The following DNAH7 variants were observed in gnomAD, a reference collection of about 807,000 sequenced individuals.
The protein encoded by DNAH7 is axonemal beta dynein heavy chain 7.
In DNAH7, 397 loss-of-function variants were observed where a neutral mutation model predicts 444.6. That is an observed-to-expected ratio of 0.89 (90% CI 0.82 to 0.97). DNAH7 has a LOEUF of 0.97. Among genes scored for constraint, DNAH7 ranks in the 50% least tolerant of loss-of-function variants. The pLI is 0.00. For synonymous variants in DNAH7, 1,636 were observed against 1,624.4 expected (o/e 1.01, Z -0.17); for missense variants, 4,902 against 4,800.8 (o/e 1.02, Z -0.62).
intron 58 of DNAH7, among the ~76,000 whole-genome samples, chr2:195,778,769 GTTAC>G (rs1442197474): frequency 7.1e-6 from 1 of 140,664 alleles, no homozygotes; most frequent in African/African-American, 2.7e-5. Context: ...GATCAGCAGT[GTTAC>G]TTCACCACCT....
chr2:195,757,281 A>C (rs1215323386), intron 61 of DNAH7, among the ~76,000 whole-genome samples: 1 of 152,254 alleles, frequency 6.6e-6, no homozygotes, highest in African/African-American at 2.4e-5. Context: ...GGTGATAAAT[A>C]TAAAATTAGA....
Position 195,922,122 on chromosome 2 carries a change from G to A in DNAH7, c.3901C>T (p.Leu1301=). The part of the protein sequence containing the change: ...GYEYLGNSPR[L]VITPLTDRCY... ...CTATCCGTGAGTGGTGTAATAACCA[G>A]CCTAGGGGAATTACCCAGATATTCA... The change falls in exon 24 of 65, where the codon CTG becomes TTG. Residue 1301 remains leucine, a synonymous_variant. Transcript: ENST00000312428. The A allele has an allele frequency of 6.2e-7, 1 of 1,611,966 alleles. No homozygotes were observed. The highest frequency in any genetic ancestry group is 8.5e-7 in the Non-Finnish European group (1 of 1,178,106).
rs1698429385 is a variant in DNAH7 at position 195,837,418 on chromosome 2, T to C, written c.8946-3058A>G. 3.3e-5 allele frequency among the ~76,000 whole-genome samples: 5 copies of C among 152,308 alleles called. No homozygotes were observed. The South Asian group carries it at 1.0e-3, about 32-fold the overall frequency. On this transcript the variant is annotated intron_variant, in intron 47 of 64. Transcript: ENST00000312428. ...TGTTGAACAAAATACAAAAAACAAC[T>C]ACTTACAGATTCTAAAAAGTAAATA... is the stretch of plus-strand genomic sequence containing the variant.
intron 9 of DNAH7, among the ~76,000 whole-genome samples, chr2:196,014,476 T>A (rs1694897211): frequency 6.6e-6 from 1 of 152,070 alleles, no homozygotes; most frequent in Non-Finnish European, 1.5e-5. Context: ...CAATCAGAAG[T>A]GAATTTCTGT....
intron 5 of DNAH7, among the ~76,000 whole-genome samples, chr2:196,038,128 A>G (rs553468340): frequency 3.9e-5 from 6 of 152,264 alleles, no homozygotes; most frequent in African/African-American, 1.4e-4. Context: ...AAAGAAAAAA[A>G]AAACTGTCAA....
chr2:195,960,770 T>C lies in DNAH7; in HGVS notation c.2381A>G (p.Asp794Gly), dbSNP rs1221229004. Residue 794 changes from aspartate to glycine, a missense_variant, in exon 18 of 65, where the codon GAC becomes GGC. By Grantham distance (94) the Asp-to-Gly change is moderately conservative. Transcript: ENST00000312428. ...TEGPYHKVNP[D>G]QVEADIGNYW... is the part of the protein sequence containing the mutation. ...ATTTCCAATATCTGCTTCTACTTGGTCTGGATTCACTTTATGATATGGCCC... is the reference window on the plus strand; with the variant it reads ...ATTTCCAATATCTGCTTCTACTTGGCCTGGATTCACTTTATGATATGGCCC... 1.2e-6 allele frequency: 2 copies of C among 1,614,176 alleles called. No individual in the cohort carries two copies. The highest frequency in any genetic ancestry group is 1.7e-5 in the Admixed American group (1 of 60,032).
chr2:195,833,973 A>G (rs953447104), intron 48 of DNAH7, among the ~76,000 whole-genome samples: 2 of 152,102 alleles, frequency 1.3e-5, no homozygotes, highest in African/African-American at 4.8e-5. Flanking sequence ...TTAGGAGGCC[A>G]AGGAAGGCAG....
At chr2:196,056,269 A>C (rs1697797851) in intron 2 of DNAH7, among the ~76,000 whole-genome samples, 1 of 152,052 alleles carries the variant, frequency 6.6e-6, no homozygotes, top group African/African-American at 2.4e-5. Flanking sequence ...ACATGGTGAA[A>C]CCACATCTCT....
intron 12 of DNAH7, among the ~76,000 whole-genome samples, chr2:195,989,547 T>C (rs887685174): frequency 6.6e-6 from 1 of 152,236 alleles, no homozygotes; most frequent in African/African-American, 2.4e-5. Flanking sequence ...CTGGTTTTGC[T>C]ATTGAGTTCC....
At position 195,864,399 on chromosome 2, in the gene DNAH7, C is replaced by G. The variant is rs751477069; in HGVS notation, c.7256G>C (p.Gly2419Ala). 6.2e-7 allele frequency: 1 copy of G among 1,614,138 alleles called. No individual in the cohort carries two copies. Among genetic ancestry groups the G allele is most frequent in the Middle Eastern group, 1.6e-4 (1 of 6,062 alleles). Residue 2419 changes from glycine to alanine, a missense_variant, in exon 41 of 65, where the codon GGG becomes GCG. Transcript: ENST00000312428. Reference sequence around the variant, plus strand: ...TAATGCAAAGAGATTTGGAATCTCCCCAGCATTTAGCAGATTACTGACATC... The same window carrying G: ...TAATGCAAAGAGATTTGGAATCTCCGCAGCATTTAGCAGATTACTGACATC... ...LEDVSNLLNA[G>A]EIPNLFALDE...
chr2:195,769,607 G>C (rs1230088335), intron 61 of DNAH7, among the ~76,000 whole-genome samples: 1 of 151,948 alleles, frequency 6.6e-6, no homozygotes. Context: ...GGTCTAGGGG[G>C]TAAAGGTGTT....
intron 61 of DNAH7, among the ~76,000 whole-genome samples, chr2:195,765,366 A>G (rs1694523169): frequency 1.3e-5 from 2 of 152,206 alleles, no homozygotes; most frequent in Admixed American, 1.3e-4. Flanking sequence ...ACAAAGCAAA[A>G]GTAGACAAAT....
chr2:195,934,816 A>ATT, intron 20 of DNAH7, 27 bp from the exon 21 acceptor site: 1 of 1,611,362 alleles, frequency 6.2e-7, no homozygotes, highest in Non-Finnish European at 8.5e-7. Flanking sequence ...TTTTAAGATA[A>ATT]TTAACCAAGT....
At chr2:195,766,867 T>C (rs1234537610) in intron 61 of DNAH7, among the ~76,000 whole-genome samples, 3 of 152,166 alleles carry the variant, frequency 2.0e-5, no homozygotes, top group African/African-American at 7.2e-5. Context: ...ATTGGCATAA[T>C]GTTTTCATGA....
intron 10 of DNAH7, among the ~76,000 whole-genome samples, chr2:196,009,436 CAA>C: frequency 6.6e-6 from 1 of 152,038 alleles, no homozygotes; most frequent in South Asian, 2.1e-4. Context: ...CATGAAATTT[CAA>C]AAGAGAACAA....
intron 15 of DNAH7, 63 bp downstream of exon 15, chr2:195,984,569 C>T: frequency 7.0e-7 from 1 of 1,428,046 alleles, no homozygotes. Context: ...ATTTGTTACT[C>T]CGCATTATTG....
intron 15 of DNAH7, among the ~76,000 whole-genome samples, chr2:195,980,954 T>G (rs933109664): frequency 2.0e-5 from 3 of 152,142 alleles, no homozygotes; most frequent in Non-Finnish European, 4.4e-5. Flanking sequence ...GGATGCCAAT[T>G]TTCACCACTG....
intron 19 of DNAH7, among the ~76,000 whole-genome samples, chr2:195,956,314 T>C (rs1418019642): frequency 2.6e-5 from 4 of 152,184 alleles, no homozygotes; most frequent in Non-Finnish European, 4.4e-5. Flanking sequence ...CTTTTTTCTA[T>C]TTTAATATTT....
At position 195,775,961 on chromosome 2, in the gene DNAH7, G is replaced by A. The variant is rs369186716; in HGVS notation, c.11087C>T (p.Thr3696Ile). The A allele has an allele frequency of 1.9e-6, 3 of 1,614,026 alleles. No homozygotes were observed. Among genetic ancestry groups the A allele is most frequent in the Non-Finnish European group, 2.5e-6 (3 of 1,180,030 alleles). The change falls in exon 60 of 65, where the codon ACA becomes ATA. Residue 3696 changes from threonine to isoleucine, a missense_variant. Physicochemically the swap from Thr to Ile is moderately conservative, Grantham distance 89. Coordinates refer to ENST00000312428, the MANE Select transcript of DNAH7 (RefSeq NM_018897.3). ...TGCTGGGGTCAGTGGCAGAGTCTTTGTGTATTCGATGTAGCTTTTGTGCTG... is the reference window on the plus strand; with the variant it reads ...TGCTGGGGTCAGTGGCAGAGTCTTTATGTATTCGATGTAGCTTTTGTGCTG... ...SGDHKSYIEYTKTLPLTPAPE... is the reference protein window; with the variant it reads ...SGDHKSYIEYIKTLPLTPAPE...
Sources: allele counts gnomAD v4.1 joint callset (sites outside exome capture counted in the v4.1 genomes callset), GRCh38; gene constraint gnomAD v4.1.1; transcripts MANE v1.5; gene names NCBI Gene and HGNC (gene_info 2026-07-23, HGNC 2026-07-21).